ITPK1: variants seen among roughly 807,000 people sequenced by gnomAD.
ITPK1 encodes inositol-tetrakisphosphate 1-kinase, also known as inositol 1,3,4-trisphosphate 5/6-kinase.
In ITPK1, 21 loss-of-function variants were observed where a neutral mutation model predicts 45.3. The ratio of observed to expected loss-of-function variants is 0.46; its 90% CI spans 0.33 to 0.67. ITPK1 has a LOEUF of 0.67. Among genes scored for constraint, ITPK1 ranks in the 30% least tolerant of loss-of-function variants. ITPK1 has a pLI of 0.02. For missense variants in ITPK1, 474 were observed against 573.5 expected, an observed-to-expected ratio of 0.83 and a Z score of 1.77; for synonymous variants, 258 against 253.6, an observed-to-expected ratio of 1.02 and a Z score of -0.16.
chr14:93,068,564 C>G (rs1008660074), intron 3 of ITPK1: 1 of 152,208 alleles, frequency 6.6e-6, no homozygotes, highest in African/African-American at 2.4e-5. Flanking sequence ...CAGAGAAAAT[C>G]GACAGAAGGA....
Position 93,114,613 on chromosome 14 carries a change from C to A in ITPK1, c.95+456G>T, listed in dbSNP as rs576872174. 9.7e-4 allele frequency among the ~76,000 whole-genome samples: 148 copies of A among 152,296 alleles called. 1 individual carries two copies. The highest frequency in any genetic ancestry group is 3.5e-3 in the African/African-American group (144 of 41,572). ...TGATATGCAATGACAGCCTCAAGAGCCGAGCACACGCGGGGCACATAGTAG... is the reference window on the plus strand; with the variant it reads ...TGATATGCAATGACAGCCTCAAGAGACGAGCACACGCGGGGCACATAGTAG... On this transcript the variant is annotated intron_variant, in intron 2 of 10. Coordinates refer to ENST00000267615, the MANE Select transcript of ITPK1 (RefSeq NM_014216.6).
intron 3 of ITPK1, among the ~76,000 whole-genome samples, chr14:93,040,179 G>C (rs553543310): frequency 6.6e-6 from 1 of 152,232 alleles, no homozygotes; most frequent in Non-Finnish European, 1.5e-5. Context: ...ATTTCTCTGG[G>C]AGGAGAAGCA....
At chr14:92,942,588 G>A (rs377549173) in intron 10 of ITPK1, among the ~76,000 whole-genome samples, 3 of 152,192 alleles carry the variant, frequency 2.0e-5, no homozygotes, top group South Asian at 2.1e-4. Flanking sequence ...GCCAAGGAAC[G>A]GAAATGCTGG....
rs1490185606 is a variant in ITPK1, at chr14:93,012,187, G to A, written c.246+4489C>T. 6.6e-6 allele frequency among the ~76,000 whole-genome samples: 1 copy of A among 152,198 alleles called. No individual in the cohort carries two copies. Among genetic ancestry groups the A allele is most frequent in the East Asian group, 1.9e-4 (1 of 5,184 alleles). On this transcript the variant is annotated intron_variant, in intron 4 of 10. Transcript: ENST00000267615. This position sits in a 1 kb window ranked among gnomAD's most constrained non-coding sequence, Gnocchi z 4.9. The stretch of plus-strand genomic sequence containing the variant: ...CACTTAGGCACTGCAGGCGGCAATG[G>A]GAACACCAGCTGCTGGGAGCAGACA...
At chr14:92,975,962 C>G (rs1885919048) in intron 5 of ITPK1, among the ~76,000 whole-genome samples, 1 of 152,220 alleles carries the variant, frequency 6.6e-6, no homozygotes. Flanking sequence ...GGGGCTCCCC[C>G]CATGCTCCCC....
chr14:92,943,958 C>T (rs1426921696), intron 10 of ITPK1, among the ~76,000 whole-genome samples: 2 of 152,348 alleles, frequency 1.3e-5, no homozygotes, highest in Middle Eastern at 3.4e-3. Context: ...CCCCATCCAG[C>T]TCCACCACGT....
rs1342478804 is a variant in ITPK1, at chr14:93,034,473, T to G, written c.121-17672A>C. 6.6e-6 allele frequency among the ~76,000 whole-genome samples: 1 copy of G among 152,174 alleles called. No homozygotes were observed. Among genetic ancestry groups the G allele is most frequent in the East Asian group, 1.9e-4 (1 of 5,180 alleles). On this transcript the variant is annotated intron_variant, in intron 3 of 10. Coordinates refer to ENST00000267615, the MANE Select transcript of ITPK1 (RefSeq NM_014216.6). The surrounding 1 kb of genome is among the most constrained non-coding windows in gnomAD (Gnocchi z 4.1). ...CTGTGCCTTCACTCCTGTATTTCTG[T>G]GCTTTTCCTCTCCAAGAATAGAATG...
At chr14:93,024,510 T>G (rs945736895) in intron 3 of ITPK1, among the ~76,000 whole-genome samples, 1 of 152,168 alleles carries the variant, frequency 6.6e-6, no homozygotes. Flanking sequence ...GCTGTACAGG[T>G]GTCAGCAAAT....
intron 5 of ITPK1, among the ~76,000 whole-genome samples, chr14:92,963,828 T>TC (rs1885211718): frequency 6.6e-6 from 1 of 152,110 alleles, no homozygotes; most frequent in East Asian, 1.9e-4. Context: ...CTTGTCATTG[T>TC]CCCCCTTCCC....
chr14:92,975,297 C>T (rs765681566), intron 5 of ITPK1, among the ~76,000 whole-genome samples: 2 of 152,204 alleles, frequency 1.3e-5, no homozygotes, highest in South Asian at 2.1e-4. Flanking sequence ...AGGCTCAGTG[C>T]CCCAGGCAGT....
intron 2 of ITPK1, among the ~76,000 whole-genome samples, chr14:93,080,607 G>C (rs1008394287): frequency 6.6e-6 from 1 of 152,306 alleles, no homozygotes; most frequent in Admixed American, 6.5e-5. Context: ...ACAGACTGAG[G>C]TGCGTGTGCT....
chr14:92,949,680 G>A (rs1189285884), intron 9 of ITPK1, among the ~76,000 whole-genome samples: 1 of 152,272 alleles, frequency 6.6e-6, no homozygotes, highest in Non-Finnish European at 1.5e-5. Context: ...CAGGCTGACA[G>A]CACAGGCCCA....
intron 4 of ITPK1, among the ~76,000 whole-genome samples, chr14:93,001,245 T>C (rs1481655952): frequency 6.6e-6 from 1 of 152,106 alleles, no homozygotes; most frequent in African/African-American, 2.4e-5. Context: ...TGAGCTGAGA[T>C]TGTGCCACTG....
At chr14:93,096,896 T>C (rs1312712235) in intron 2 of ITPK1, among the ~76,000 whole-genome samples, 1 of 152,188 alleles carries the variant, frequency 6.6e-6, no homozygotes, top group African/African-American at 2.4e-5. Context: ...GACACTGACG[T>C]CACCGAGTCC....
At chr14:92,970,212 A>G (rs1290912126) in intron 5 of ITPK1, among the ~76,000 whole-genome samples, 3 of 152,220 alleles carry the variant, frequency 2.0e-5, no homozygotes, top group Non-Finnish European at 2.9e-5. Context: ...GCAGTTTTGA[A>G]GCCAGCCAGC....
At position 92,941,186 on chromosome 14, in the gene ITPK1, T is replaced by TCCCA; in HGVS notation, c.*374_*375insTGGG. ...GACATGGGCAGGCTTCCCCCAAGGG[T>TCCCA]CCCGGTCCACAGTGGCCATGGAGAC... On this transcript the variant is annotated 3_prime_UTR_variant, in exon 11 of 11. Transcript: ENST00000267615. The TCCCA allele has an allele frequency of 8.0e-7, 1 of 1,242,910 alleles. No homozygotes were observed. The highest frequency in any genetic ancestry group is 1.0e-6 in the Non-Finnish European group (1 of 980,670). 77.0% of individuals were successfully genotyped at this position (1,242,910 alleles called of 1,614,324 possible).
intron 9 of ITPK1, among the ~76,000 whole-genome samples, chr14:92,949,845 C>T (rs555826906): frequency 8.8e-4 from 134 of 152,298 alleles, no homozygotes; most frequent in African/African-American, 3.2e-3. Flanking sequence ...TGCCTGGGGC[C>T]CTCAAAGCAA....
chr14:93,102,973 G>A (rs1892379048), intron 2 of ITPK1, among the ~76,000 whole-genome samples: 1 of 151,562 alleles, frequency 6.6e-6, no homozygotes, highest in Non-Finnish European at 1.5e-5. Flanking sequence ...GGTGGCAGGC[G>A]CCTGTAGTCC....
chr14:93,039,066 G>C (rs1889442402), intron 3 of ITPK1, among the ~76,000 whole-genome samples: 1 of 152,134 alleles, frequency 6.6e-6, no homozygotes, highest in Non-Finnish European at 1.5e-5. Flanking sequence ...CGCCGACCTT[G>C]CTGCCATGGC....
Sources: allele counts gnomAD v4.1 joint callset (sites outside exome capture counted in the v4.1 genomes callset), GRCh38; gene constraint gnomAD v4.1.1; non-coding constraint Gnocchi (gnomAD v3.1); transcripts MANE v1.5; gene names NCBI Gene and HGNC (gene_info 2026-07-23, HGNC 2026-07-21).